Variants in TBC1D23 observed in about 807,000 individuals in gnomAD.
TBC1D23 encodes TBC1 domain family member 23.
A neutral mutation model predicts 91.4 loss-of-function variants in TBC1D23; 55 were observed. That is an observed-to-expected ratio of 0.60 (90% CI 0.48 to 0.75). TBC1D23 has a LOEUF of 0.75. Ranked by LOEUF, TBC1D23 falls within the 30% of genes least tolerant of loss-of-function variation. The probability of loss-of-function intolerance (pLI) is 0.00; values close to 1 mark genes in which losing one functional copy is unlikely to be tolerated. For missense variants in TBC1D23, 725 were observed against 836.1 expected (o/e 0.87, Z 1.64); for synonymous variants, 289 against 281.0 (o/e 1.03, Z -0.28).
chr3:100,265,251 G>C (rs187766826), intron 1 of TBC1D23, among the ~76,000 whole-genome samples: 86 of 152,288 alleles, frequency 5.6e-4, no homozygotes, highest in Middle Eastern at 3.4e-3. Context: ...ATACTAAGCT[G>C]TCATTTCATA....
At position 100,278,574 on chromosome 3, in the gene TBC1D23, C is replaced by T. The variant is rs572051340; in HGVS notation, c.54-1075C>T. On this transcript the variant is annotated intron_variant, in intron 1 of 18. Coordinates refer to ENST00000394144, the MANE Select transcript of TBC1D23 (RefSeq NM_001199198.3). Reference sequence around the variant, plus strand: ...TAATTTTTTGTGTTTTTAGTAGAGACGGGGTTTCACCATCTTGGCCAGGCT... The same window carrying T: ...TAATTTTTTGTGTTTTTAGTAGAGATGGGGTTTCACCATCTTGGCCAGGCT... Among the ~76,000 whole-genome samples, 69 of 152,012 alleles carry T rather than the reference C, an allele frequency of 4.5e-4. No homozygotes were observed. The East Asian group carries it at 9.9e-3, about 22-fold the overall frequency.
chr3:100,266,614 C>T (rs1459693583), intron 1 of TBC1D23, among the ~76,000 whole-genome samples: 1 of 152,144 alleles, frequency 6.6e-6, no homozygotes, highest in African/African-American at 2.4e-5. Context: ...ATTTTGTTTC[C>T]TGTGGATGTT....
intron 13 of TBC1D23, among the ~76,000 whole-genome samples, chr3:100,307,707 A>T (rs1295443792): frequency 6.6e-6 from 1 of 152,180 alleles, no homozygotes; most frequent in Non-Finnish European, 1.5e-5. Flanking sequence ...AATCACCATT[A>T]CTTAGTAAAC....
chr3:100,266,761 C>T (rs1180420614), intron 1 of TBC1D23, among the ~76,000 whole-genome samples: 1 of 152,166 alleles, frequency 6.6e-6, no homozygotes, highest in African/African-American at 2.4e-5. Context: ...GTGAGCAATT[C>T]AGAGCACCCA....
In TBC1D23 at chr3:100,278,466, A is replaced by G. The variant is rs149078563; in HGVS notation, c.54-1183A>G. Among the ~76,000 whole-genome samples the G allele has an allele frequency of 4.7e-3, 713 of 151,652 alleles. 2 individuals are homozygous for G. The highest frequency in any genetic ancestry group is 6.5e-3 in the South Asian group (31 of 4,786). On this transcript the variant is annotated intron_variant, in intron 1 of 18. Coordinates refer to ENST00000394144, the MANE Select transcript of TBC1D23 (RefSeq NM_001199198.3). Reference sequence around the variant, plus strand: ...AGTAGCATAATCTTGGCTCACTGCAACCTCCGCCTCCTGGGTTCAAGCAAT... The same window carrying G: ...AGTAGCATAATCTTGGCTCACTGCAGCCTCCGCCTCCTGGGTTCAAGCAAT...
At chr3:100,317,616 A>C (rs1339213367) in intron 16 of TBC1D23, among the ~76,000 whole-genome samples, 2 of 152,188 alleles carry the variant, frequency 1.3e-5, no homozygotes. Flanking sequence ...ACTTTTCAGA[A>C]AACTTGCAGA....
chr3:100,266,982 T>C (rs2148848519), intron 1 of TBC1D23, among the ~76,000 whole-genome samples: 1 of 152,376 alleles, frequency 6.6e-6, no homozygotes. Context: ...GAATAGTGGT[T>C]ATATTCAAGC....
Position 100,285,560 on chromosome 3 carries a change from T to C in TBC1D23, c.476+1749T>C, listed in dbSNP as rs150947976. 4.7e-3 allele frequency among the ~76,000 whole-genome samples: 711 copies of C among 152,360 alleles called. 2 individuals are homozygous for C. Among genetic ancestry groups the C allele is most frequent in the Non-Finnish European group, 6.3e-3 (431 of 68,022 alleles). On this transcript the variant is annotated intron_variant, in intron 4 of 18. Transcript: ENST00000394144. ...GTGAACGTTCATATACAAGTTTTTG[T>C]GTAGATGTGTATTTTCATTTCTGGG... is the stretch of plus-strand genomic sequence containing the variant.
intron 18 of TBC1D23, 42 bp from the exon 19 acceptor site, chr3:100,323,545 G>GTA (rs768794408): frequency 1.7e-4 from 149 of 902,154 alleles, no homozygotes; most frequent in African/African-American, 8.0e-4. Context: ...ATATACATAT[G>GTA]TATATATATA....
chr3:100,289,278 A>G (rs2067769830), intron 4 of TBC1D23, among the ~76,000 whole-genome samples: 1 of 152,196 alleles, frequency 6.6e-6, no homozygotes, highest in Non-Finnish European at 1.5e-5. Flanking sequence ...AGTAAGATCC[A>G]CTACCAAATA....
chr3:100,308,790 A>G (rs1429472778), intron 13 of TBC1D23, among the ~76,000 whole-genome samples: 1 of 151,840 alleles, frequency 6.6e-6, no homozygotes, highest in Non-Finnish European at 1.5e-5. Flanking sequence ...ATAGTACCCA[A>G]ATTTCTGGGC....
At chr3:100,261,195 G>C in intron 1 of TBC1D23, 124 bp downstream of exon 1, 3 of 923,598 alleles carry the variant, frequency 3.2e-6, no homozygotes, top group Non-Finnish European at 5.1e-6. Context: ...GCGAAGTCCG[G>C]TGCCCTGCCC....
intron 18 of TBC1D23, among the ~76,000 whole-genome samples, chr3:100,322,953 T>A (rs1038290416): frequency 5.3e-5 from 8 of 152,174 alleles, no homozygotes; most frequent in Admixed American, 4.6e-4. Context: ...TTTAAAAAAA[T>A]ACCACTATTT....
intron 1 of TBC1D23, among the ~76,000 whole-genome samples, chr3:100,269,689 G>T (rs765679865): frequency 6.6e-6 from 1 of 152,176 alleles, no homozygotes; most frequent in Non-Finnish European, 1.5e-5. Flanking sequence ...GAATATTCAA[G>T]AACTAATTAA....
At chr3:100,315,462 G>A (rs1034460158) in intron 15 of TBC1D23, among the ~76,000 whole-genome samples, 3 of 151,990 alleles carry the variant, frequency 2.0e-5, no homozygotes, top group Non-Finnish European at 4.4e-5. Flanking sequence ...GCGCCCGGCC[G>A]AGGCAGATTC....
In TBC1D23 at chr3:100,295,172, T is replaced by C; in HGVS notation, c.686T>C (p.Phe229Ser). The change falls in exon 6 of 19, where the codon TTT becomes TCT. Residue 229 changes from phenylalanine to serine, a missense_variant. Physicochemically the swap from Phe to Ser is radical, Grantham distance 155 (BLOSUM62 -2). Transcript: ENST00000394144. The part of the protein sequence containing the change: ...DGYLQQADPF[F>S]IYFLMLIILV... The stretch of plus-strand genomic sequence containing the variant: ...TATCTACAACAAGCAGATCCATTTT[T>C]TATTTATTTCTTAATGTTAATTATC... The C allele has an allele frequency of 6.2e-7, 1 of 1,605,628 alleles. No homozygotes were observed. The highest frequency in any genetic ancestry group is 8.5e-7 in the Non-Finnish European group (1 of 1,176,626).
In TBC1D23 at chr3:100,296,378, T is replaced by C. The variant is rs73862440; in HGVS notation, c.876+103T>C. 4.6e-3 allele frequency: 3,075 copies of C among 675,730 alleles called. 80 individuals carry two copies. In the African/African-American group the frequency reaches 0.051, roughly 11 times the overall value. 41.9% of individuals were successfully genotyped at this position (675,730 alleles called of 1,614,324 possible). On this transcript the variant is annotated intron_variant, in intron 8 of 18. Coordinates refer to ENST00000394144, the MANE Select transcript of TBC1D23 (RefSeq NM_001199198.3). The stretch of plus-strand genomic sequence containing the variant: ...TAAAATAGGTTGTCAATTTTTTCTG[T>C]TTCTTTATGTGTTGTAGTTTTGTGT...
chr3:100,318,750 A>C (rs1705799144), intron 16 of TBC1D23, among the ~76,000 whole-genome samples: 1 of 151,498 alleles, frequency 6.6e-6, no homozygotes, highest in Non-Finnish European at 1.5e-5. Flanking sequence ...TCCTGGGTTC[A>C]AGCGATTCTC....
chr3:100,295,490 C>G, intron 7 of TBC1D23, 142 bp downstream of exon 7: 1 of 627,496 alleles, frequency 1.6e-6, no homozygotes, highest in Middle Eastern at 4.5e-4. Flanking sequence ...TAAACACTCT[C>G]CAGGTACAGA....
Sources: gnomAD v4.1 joint callset for allele counts (sites outside exome capture counted in the v4.1 genomes callset) on GRCh38, gnomAD v4.1.1 for gene constraint, MANE v1.5 for transcripts, NCBI Gene and HGNC (gene_info 2026-07-23, HGNC 2026-07-21) for gene names.